MARCHF1: variants seen among roughly 807,000 people sequenced by gnomAD.
MARCHF1 encodes the protein membrane associated ring-CH-type finger 1.
In MARCHF1, 40 loss-of-function variants were observed where a neutral mutation model predicts 54.2. The ratio of observed to expected loss-of-function variants is 0.74; its 90% confidence interval spans 0.57 to 0.96. MARCHF1 has a LOEUF of 0.96. Ranked by LOEUF, MARCHF1 falls within the 40% of genes least tolerant of loss-of-function variation. MARCHF1 has a pLI of 0.00. For synonymous variants in MARCHF1, 236 were observed against 236.3 expected (o/e 1.00, Z 0.01); for missense variants, 586 against 656.5 (o/e 0.89, Z 1.17).
chr4:164,152,619 C>T (rs1729971453), intron 1 of MARCHF1, among the ~76,000 whole-genome samples: 1 of 152,184 alleles, frequency 6.6e-6, no homozygotes, highest in Non-Finnish European at 1.5e-5. Flanking sequence ...CCCCTTCCCC[C>T]TTTGTTTTCC....
At chr4:164,218,790 G>A (rs1371253425) in intron 1 of MARCHF1, among the ~76,000 whole-genome samples, 1 of 150,658 alleles carries the variant, frequency 6.6e-6, no homozygotes, top group Non-Finnish European at 1.5e-5. Flanking sequence ...CATGGGACAT[G>A]TATACATATG....
At chr4:164,208,945 T>G (rs1039573258) in intron 1 of MARCHF1, among the ~76,000 whole-genome samples, 1 of 151,766 alleles carries the variant, frequency 6.6e-6, no homozygotes, top group Non-Finnish European at 1.5e-5. Context: ...ACCCTGTTTC[T>G]CTGTCTCTGT....
chr4:163,639,024 A>G (rs1448653509), intron 5 of MARCHF1, among the ~76,000 whole-genome samples: 1 of 152,036 alleles, frequency 6.6e-6, no homozygotes, highest in African/African-American at 2.4e-5. Context: ...GTTCCCAGAG[A>G]CTGGAGGGCA....
intron 9 of MARCHF1, among the ~76,000 whole-genome samples, chr4:163,538,908 T>A (rs1738625892): frequency 6.6e-6 from 1 of 152,246 alleles, no homozygotes; most frequent in African/African-American, 2.4e-5. Context: ...CTTGGTCATA[T>A]GACCTGCTTT....
rs139878458 is a variant in MARCHF1 at position 164,038,794 on chromosome 4, C to T, written c.-247-50085G>A. 3.6e-3 allele frequency among the ~76,000 whole-genome samples: 547 copies of T among 152,250 alleles called. 18 individuals carry two copies. Among genetic ancestry groups the T allele is most frequent in the Admixed American group, 0.034 (517 of 15,276 alleles). ...TTTGTAAGTGGTACATTTATTAATA[C>T]CATAGCTGATTTTATGTTACAAATA... On this transcript the variant is annotated intron_variant, in intron 2 of 9. Coordinates refer to ENST00000514618, the MANE Select transcript of MARCHF1 (RefSeq NM_001394959.1).
intron 2 of MARCHF1, among the ~76,000 whole-genome samples, chr4:164,041,239 A>G (rs536945089): frequency 6.6e-6 from 1 of 152,268 alleles, no homozygotes; most frequent in Non-Finnish European, 1.5e-5. Flanking sequence ...AAGAATATTT[A>G]GCTATGGAGC....
chr4:164,218,035 A>T (rs1731982074), intron 1 of MARCHF1, among the ~76,000 whole-genome samples: 1 of 152,116 alleles, frequency 6.6e-6, no homozygotes, highest in Non-Finnish European at 1.5e-5. Context: ...GGAGTTTTTC[A>T]TTTAAACAGG....
At chr4:163,839,233 G>T (rs982096199) in intron 4 of MARCHF1, among the ~76,000 whole-genome samples, 4 of 152,074 alleles carry the variant, frequency 2.6e-5, no homozygotes, top group Non-Finnish European at 4.4e-5. Context: ...TGGAAAAAAA[G>T]AATAGAAATG....
chr4:164,314,748 CTATTA>C (rs1291669594), intron 1 of MARCHF1, among the ~76,000 whole-genome samples: 1 of 152,108 alleles, frequency 6.6e-6, no homozygotes, highest in Non-Finnish European at 1.5e-5. Flanking sequence ...CCACTACTTC[CTATTA>C]TTTCTTAGTT....
At chr4:163,770,745 T>C (rs1337035005) in intron 4 of MARCHF1, among the ~76,000 whole-genome samples, 3 of 152,110 alleles carry the variant, frequency 2.0e-5, no homozygotes. Context: ...GGGAAAAAGG[T>C]TGAGAGGGGT....
chr4:163,569,599 C>T (rs980994034), intron 8 of MARCHF1, among the ~76,000 whole-genome samples: 14 of 151,818 alleles, frequency 9.2e-5, no homozygotes, highest in African/African-American at 2.4e-4. Context: ...TTATTATCCC[C>T]GTTTACGCAG....
chr4:164,262,317 C>T (rs1733490662), intron 1 of MARCHF1, among the ~76,000 whole-genome samples: 3 of 152,068 alleles, frequency 2.0e-5, no homozygotes, highest in African/African-American at 7.2e-5. Flanking sequence ...GATGCTTCTC[C>T]ATCATTTCCC....
intron 3 of MARCHF1, among the ~76,000 whole-genome samples, chr4:163,882,756 C>T (rs1750444676): frequency 6.6e-6 from 1 of 152,010 alleles, no homozygotes; most frequent in African/African-American, 2.4e-5. Flanking sequence ...ATTGCTTGAA[C>T]CTAGGAGTTC....
chr4:163,854,139 T>A lies in MARCHF1; in HGVS notation c.-8A>T. On this transcript the variant is annotated 5_prime_UTR_variant, in exon 4 of 10. The change creates a new upstream start codon in the 5' untranslated region. Coordinates refer to ENST00000514618, the MANE Select transcript of MARCHF1 (RefSeq NM_001394959.1). ...TTCACACCAGCCCAGCATTTTCTCC[T>A]TCCTCTTATCCCTTTTCAATTTCTG... 6.5e-7 allele frequency: 1 copy of A among 1,532,996 alleles called. No individual in the cohort carries two copies. The highest frequency in any genetic ancestry group is 8.7e-7 in the Non-Finnish European group (1 of 1,144,658). 95.0% of individuals were successfully genotyped at this position (1,532,996 alleles called of 1,614,324 possible).
intron 8 of MARCHF1, among the ~76,000 whole-genome samples, chr4:163,552,815 C>G (rs903626176): frequency 4.6e-5 from 7 of 151,970 alleles, no homozygotes; most frequent in Non-Finnish European, 7.4e-5. Flanking sequence ...GGGCAGATCA[C>G]GAGGTCAGGA....
At chr4:163,613,929 C>G (rs1741434028) in intron 5 of MARCHF1, among the ~76,000 whole-genome samples, 1 of 152,028 alleles carries the variant, frequency 6.6e-6, no homozygotes, top group African/African-American at 2.4e-5. Context: ...TAAAATATAT[C>G]CCTTGCAACA....
At position 164,008,044 on chromosome 4, in the gene MARCHF1, C is replaced by T. The variant is rs143136335; in HGVS notation, c.-247-19335G>A. 6.2e-4 allele frequency among the ~76,000 whole-genome samples: 94 copies of T among 151,892 alleles called. 1 individual carries two copies. Among genetic ancestry groups the T allele is most frequent in the African/African-American group, 2.1e-3 (87 of 41,406 alleles). On this transcript the variant is annotated intron_variant, in intron 2 of 9. Transcript: ENST00000514618. ...AATTAAAAGGCATATAGTGGCTGAA[C>T]GAATTTAAAAAACCAGGACCCAACT...
intron 3 of MARCHF1, among the ~76,000 whole-genome samples, chr4:163,970,951 GA>G (rs1752535765): frequency 6.6e-6 from 1 of 152,072 alleles, no homozygotes. Context: ...GCAACAATTG[GA>G]ACTAGGCACA....
At chr4:163,912,838 A>G (rs1406247776) in intron 3 of MARCHF1, among the ~76,000 whole-genome samples, 1 of 152,258 alleles carries the variant, frequency 6.6e-6, no homozygotes, top group Admixed American at 6.5e-5. Context: ...AAAATTATTT[A>G]GGAAGTTACT....
Sources: gnomAD v4.1 joint callset for allele counts (sites outside exome capture counted in the v4.1 genomes callset) on GRCh38, gnomAD v4.1.1 for gene constraint, MANE v1.5 for transcripts, NCBI Gene and HGNC (gene_info 2026-07-23, HGNC 2026-07-21) for gene names.